The following ARAP2 variants were observed in gnomAD, a reference collection of about 807,000 sequenced individuals.
ARAP2 encodes arf-GAP with Rho-GAP domain, ANK repeat and PH domain-containing protein 2.
ARAP2 carries 148 observed loss-of-function variants against 194.5 expected under a neutral mutation model. The ratio of observed to expected loss-of-function variants is 0.76; its 90% CI spans 0.67 to 0.87. ARAP2 has a LOEUF of 0.87. Among genes scored for constraint, ARAP2 ranks in the 40% least tolerant of loss-of-function variants. The probability of loss-of-function intolerance (pLI) is 0.00; values close to 1 mark genes in which losing one functional copy is unlikely to be tolerated. For missense variants in ARAP2, 2,128 were observed against 1,989.7 expected, an observed-to-expected ratio of 1.07 and a Z score of -1.32; for synonymous variants, 695 against 683.5, an observed-to-expected ratio of 1.02 and a Z score of -0.26.
At chr4:36,017,586 A>AAAAAAAAAAAAC (rs1423725487) in intron 6 of ARAP2, among the ~76,000 whole-genome samples, 1 of 150,258 alleles carries the variant, frequency 6.7e-6, no homozygotes, top group African/African-American at 2.4e-5. Flanking sequence ...AAAAAAAAAA[A>AAAAAAAAAAAAC]AGCTTTCTGT....
intron 9 of ARAP2, among the ~76,000 whole-genome samples, chr4:36,175,076 G>A (rs1170028806): frequency 6.6e-6 from 1 of 152,094 alleles, no homozygotes; most frequent in Non-Finnish European, 1.5e-5. Flanking sequence ...AGTTATGTGG[G>A]CAATAAATCC....
chr4:36,239,207 C>T (rs536528733), intron 1 of ARAP2, among the ~76,000 whole-genome samples: 15 of 151,094 alleles, frequency 9.9e-5, no homozygotes, highest in African/African-American at 2.7e-4. Flanking sequence ...ACCCAGTGGG[C>T]GGAGGTTGCA....
chr4:36,212,343 T>A (rs933984937), intron 5 of ARAP2, 53 bp downstream of exon 5: 1 of 1,408,718 alleles, frequency 7.1e-7, no homozygotes, highest in South Asian at 1.2e-5. Context: ...GAAGTCAACA[T>A]TGTATAACAG....
chr4:36,040,002 A>T (rs1004393348), intron 5 of ARAP2, among the ~76,000 whole-genome samples: 7 of 152,202 alleles, frequency 4.6e-5, no homozygotes, highest in African/African-American at 1.4e-4. Flanking sequence ...CACCATTAGA[A>T]GAAGTTGTAG....
chr4:36,055,784 G>C (rs1038059179), intron 2 of ARAP2, among the ~76,000 whole-genome samples: 5 of 152,178 alleles, frequency 3.3e-5, no homozygotes, highest in African/African-American at 1.2e-4. Flanking sequence ...GGATGGTCTT[G>C]AACTCCTGAC....
At chr4:36,020,863 C>T (rs752391594) in intron 5 of ARAP2, among the ~76,000 whole-genome samples, 3 of 152,120 alleles carry the variant, frequency 2.0e-5, no homozygotes, top group African/African-American at 4.8e-5. Flanking sequence ...GTGACCTAGA[C>T]CTTGGTAGTG....
At chr4:36,026,380 A>T (rs982124652) in intron 5 of ARAP2, among the ~76,000 whole-genome samples, 4 of 152,196 alleles carry the variant, frequency 2.6e-5, no homozygotes, top group Admixed American at 6.6e-5. Context: ...GACGGGACAC[A>T]AGGATCACTA....
At position 36,160,652 on chromosome 4, in the gene ARAP2, A is replaced by AG. The variant is rs767977607; in HGVS notation, c.2260-12_2260-11insC. 1 of 1,235,316 alleles carries AG rather than the reference A, an allele frequency of 8.1e-7. No homozygotes were observed. Among genetic ancestry groups the AG allele is most frequent in the African/African-American group, 3.8e-5 (1 of 26,016 alleles). 76.5% of individuals were successfully genotyped at this position (1,235,316 alleles called of 1,614,324 possible). ...AATGACAATAAAAAGCTGAATTGTC[A>AG]AAAAAAAAACCCCATAATATATCAG... On this transcript the variant is annotated splice_polypyrimidine_tract_variant and intron_variant, in intron 12 of 32. Transcript: ENST00000303965.
At chr4:36,147,802 C>G (rs1213478567) in intron 17 of ARAP2, 56 bp from the exon 18 acceptor site, 31 of 1,373,612 alleles carry the variant, frequency 2.3e-5, no homozygotes, top group Non-Finnish European at 2.8e-5. Flanking sequence ...AAATCCCTTC[C>G]CTATCTACTG....
At chr4:36,008,352 C>G (rs1187085821) in intron 9 of ARAP2, among the ~76,000 whole-genome samples, 1 of 151,860 alleles carries the variant, frequency 6.6e-6, no homozygotes, top group Non-Finnish European at 1.5e-5. Context: ...ACATATAGAC[C>G]AAAAGAAAAG....
intron 27 of ARAP2, among the ~76,000 whole-genome samples, chr4:36,097,255 G>A (rs1454848761): frequency 2.0e-5 from 3 of 152,060 alleles, no homozygotes; most frequent in African/African-American, 7.2e-5. Flanking sequence ...TGAAAGTTTT[G>A]AAAGGAATAT....
rs73809146 is a variant in ARAP2, at chr4:36,161,174, C to T, written c.2259+291G>A. 7.6e-3 allele frequency among the ~76,000 whole-genome samples: 1,141 copies of T among 150,756 alleles called. 14 individuals are homozygous for T. Among genetic ancestry groups the T allele is most frequent in the African/African-American group, 0.023 (931 of 41,104 alleles). ...ACACACACACACACACACACACACA[C>T]ACACACACACACACATATACAGTTC... On this transcript the variant is annotated intron_variant, in intron 12 of 32. Coordinates refer to ENST00000303965, the MANE Select transcript of ARAP2 (RefSeq NM_015230.4).
chr4:36,179,696 G>C (rs1444210401), intron 8 of ARAP2, among the ~76,000 whole-genome samples: 1 of 152,192 alleles, frequency 6.6e-6, no homozygotes, highest in Non-Finnish European at 1.5e-5. Flanking sequence ...AGAGAAAGCA[G>C]AGCCCAGTTT....
chr4:36,214,558 ATAT>A lies in ARAP2; in HGVS notation c.906-81_906-79del, dbSNP rs746543586. On this transcript the variant is annotated intron_variant, in intron 2 of 32. Transcript: ENST00000303965. ...TGAGTAAAATTAAAATTATTAGAAA[ATAT>A]TATGAGAAAATATTTATGATTTATA... 1,364 of 888,506 alleles carry A rather than the reference ATAT, an allele frequency of 1.5e-3. 4 individuals carry two copies. The highest frequency in any genetic ancestry group is 1.8e-3 in the Non-Finnish European group (1,102 of 608,424). The allele number at this position is 888,506 out of a possible 1,614,324, so 55.0% of individuals were successfully genotyped here. A position where few individuals can be genotyped will look rare whatever the true frequency, so the allele number is the denominator to read the frequency against.
intron 7 of ARAP2, among the ~76,000 whole-genome samples, chr4:36,189,971 A>G (rs1741506966): frequency 6.6e-6 from 1 of 152,328 alleles, no homozygotes; most frequent in African/African-American, 2.4e-5. Flanking sequence ...TTGCACCCAC[A>G]TAGCTTGCAT....
intron 1 of ARAP2, among the ~76,000 whole-genome samples, chr4:36,242,316 T>C (rs1457276342): frequency 6.6e-6 from 1 of 152,120 alleles, no homozygotes; most frequent in Admixed American, 6.5e-5. Context: ...AAGAAATGTA[T>C]CAATAAATAA....
intron 6 of ARAP2, among the ~76,000 whole-genome samples, chr4:36,200,008 A>G (rs1744033674): frequency 8.0e-6 from 1 of 125,322 alleles, no homozygotes; most frequent in Non-Finnish European, 1.7e-5. Flanking sequence ...GAAAAATTTA[A>G]ATATGGTTAT....
At chr4:36,181,009 A>G (rs1739120287) in intron 8 of ARAP2, among the ~76,000 whole-genome samples, 1 of 152,242 alleles carries the variant, frequency 6.6e-6, no homozygotes, top group African/African-American at 2.4e-5. Flanking sequence ...ATATGCTTTG[A>G]TAAGTCACAA....
At chr4:36,228,240 G>T (rs1180922302) in intron 2 of ARAP2, among the ~76,000 whole-genome samples, 1 of 152,174 alleles carries the variant, frequency 6.6e-6, no homozygotes, top group Non-Finnish European at 1.5e-5. Flanking sequence ...CTATTGGGGA[G>T]AGAGAGTCAA....
Sources: gnomAD v4.1 joint callset for allele counts (sites outside exome capture counted in the v4.1 genomes callset) on GRCh38, gnomAD v4.1.1 for gene constraint, MANE v1.5 for transcripts, NCBI Gene and HGNC (gene_info 2026-07-23, HGNC 2026-07-21) for gene names.